Variants in RHOT1 observed in about 807,000 individuals in gnomAD.
The protein encoded by RHOT1 is ras homolog family member T1, also known as mitochondrial Rho GTPase 1.
RHOT1 carries 27 observed loss-of-function variants against 95.3 expected under a neutral mutation model. The ratio of observed to expected loss-of-function variants is 0.28; its 90% CI spans 0.21 to 0.39. The LOEUF (loss-of-function observed/expected upper bound fraction) is 0.39. Ranked by LOEUF, RHOT1 falls within the 10% of genes least tolerant of loss-of-function variation. The probability of loss-of-function intolerance (pLI) is 1.00; values close to 1 mark genes in which losing one functional copy is unlikely to be tolerated. For synonymous variants in RHOT1, 227 were observed against 263.5 expected, an observed-to-expected ratio of 0.86 and a Z score of 1.34; for missense variants, 578 against 786.7, an observed-to-expected ratio of 0.73 and a Z score of 3.17.
chr17:32,166,852 G>A (rs2034130267), intron 1 of RHOT1, among the ~76,000 whole-genome samples: 1 of 152,132 alleles, frequency 6.6e-6, no homozygotes. Context: ...GTGAGGGTTG[G>A]AACCAACTTC....
chr17:32,183,311 A>G (rs909611816), intron 8 of RHOT1, 39 bp downstream of exon 8: 3 of 1,142,832 alleles, frequency 2.6e-6, no homozygotes, highest in Non-Finnish European at 3.6e-6. Flanking sequence ...ATGTGTATGT[A>G]GTAACTCTAG....
At position 32,195,124 on chromosome 17, in the gene RHOT1, CT is replaced by C. The variant is rs770806549; in HGVS notation, c.869+1029del. Among the ~76,000 whole-genome samples the C allele has an allele frequency of 1.1e-3, 158 of 144,456 alleles. 1 individual carries two copies. Among genetic ancestry groups the C allele is most frequent in the Middle Eastern group, 3.7e-3 (1 of 270 alleles). 94.8% of individuals were successfully genotyped at this position (144,456 alleles called of 152,430 possible). A position where few individuals can be genotyped will look rare whatever the true frequency, so the allele number is the denominator to read the frequency against. ...ACAGGCGTGAGCCACTGCACCCGGC[CT>C]TTTTTTTTTTTCCCTAAGAGACAAG... On this transcript the variant is annotated intron_variant, in intron 11 of 19. Transcript: ENST00000545287.
At chr17:32,149,708 CACAT>C (rs1391897271) in intron 1 of RHOT1, among the ~76,000 whole-genome samples, 6 of 145,142 alleles carry the variant, frequency 4.1e-5, no homozygotes, top group Non-Finnish European at 7.5e-5. Flanking sequence ...TATATATACA[CACAT>C]ACACATATAT....
At chr17:32,223,228 T>C (rs1427730646) in intron 19 of RHOT1, among the ~76,000 whole-genome samples, 1 of 152,116 alleles carries the variant, frequency 6.6e-6, no homozygotes, top group African/African-American at 2.4e-5. Context: ...TCTGTTCTCT[T>C]TGACTATTAC....
At chr17:32,151,579 C>G in intron 1 of RHOT1, 1 of 341,744 alleles carries the variant, frequency 2.9e-6, no homozygotes. Flanking sequence ...TCTCAATGAA[C>G]TTTTTAAAAA....
intron 1 of RHOT1, among the ~76,000 whole-genome samples, chr17:32,148,934 A>T (rs1049415505): frequency 2.6e-5 from 4 of 152,222 alleles, no homozygotes; most frequent in Non-Finnish European, 5.9e-5. Context: ...AATCTGGATA[A>T]TTTGTTCTAT....
chr17:32,215,939 CAT>C (rs150111195), intron 19 of RHOT1, among the ~76,000 whole-genome samples: 3,570 of 152,208 alleles, frequency 0.023, 85 homozygotes, highest in Admixed American at 0.078. Context: ...GGATGAGTAA[CAT>C]GTGGTCAGAT....
chr17:32,193,179 A>C lies in RHOT1; in HGVS notation c.683A>C (p.Asp228Ala), dbSNP rs769092204. The C allele has an allele frequency of 6.2e-7, 1 of 1,613,696 alleles. No homozygotes were observed. Among genetic ancestry groups the C allele is most frequent in the East Asian group, 2.2e-5 (1 of 44,834 alleles). The change falls in exon 10 of 20, where the codon GAT becomes GCT. Residue 228 changes from aspartate to alanine, a missense_variant. By Grantham distance (126) the Asp-to-Ala change is moderately radical. Around this residue, in one of 4 missense-constraint regions of RHOT1, gnomAD observed 227 missense variants for 316.0 expected, o/e 0.72. Coordinates refer to ENST00000545287, the MANE Select transcript of RHOT1 (RefSeq NM_001033566.3). ...NTPLAPQALE[D>A]VKNVVRKHIS... Reference sequence around the variant, plus strand: ...CCATTAGCTCCTCAAGCTCTGGAGGATGTCAAGAATGTAGTCAGAAAACAT... The same window carrying C: ...CCATTAGCTCCTCAAGCTCTGGAGGCTGTCAAGAATGTAGTCAGAAAACAT...
Position 32,142,652 on chromosome 17 carries a change from C to T in RHOT1, c.-41C>T. On this transcript the variant is annotated 5_prime_UTR_variant, in exon 1 of 20. Coordinates refer to ENST00000545287, the MANE Select transcript of RHOT1 (RefSeq NM_001033566.3). ...GTGCTCCTGGTGAGAGGAGTCCACTCCGTGCGTGCGGGCGGAGGCCGGCCC... is the reference window on the plus strand; with the variant it reads ...GTGCTCCTGGTGAGAGGAGTCCACTTCGTGCGTGCGGGCGGAGGCCGGCCC... 1 of 1,513,594 alleles carries T rather than the reference C, an allele frequency of 6.6e-7. No individual in the cohort carries two copies. The highest frequency in any genetic ancestry group is 8.8e-7 in the Non-Finnish European group (1 of 1,132,656). The allele number at this position is 1,513,594 out of a possible 1,614,324, so 93.8% of individuals were successfully genotyped here.
chr17:32,207,961 A>G (rs1263033537), intron 17 of RHOT1, 146 bp from the exon 18 acceptor site: 1 of 649,850 alleles, frequency 1.5e-6, no homozygotes, highest in Non-Finnish European at 2.7e-6. Context: ...TACCTAGACC[A>G]CTGCCAATCT....
At chr17:32,188,131 A>G (rs1365045733) in intron 8 of RHOT1, among the ~76,000 whole-genome samples, 1 of 152,252 alleles carries the variant, frequency 6.6e-6, no homozygotes, top group Non-Finnish European at 1.5e-5. Context: ...CAGCATTTCA[A>G]GTACTATGTA....
chr17:32,160,192 A>C (rs1219205074), intron 1 of RHOT1: 1 of 151,990 alleles, frequency 6.6e-6, no homozygotes, highest in East Asian at 1.9e-4. Flanking sequence ...GCAGAGAGGA[A>C]CTACCCTCTC....
chr17:32,220,091 A>G (rs1410953571), intron 19 of RHOT1, among the ~76,000 whole-genome samples: 2 of 152,236 alleles, frequency 1.3e-5, no homozygotes, highest in Non-Finnish European at 2.9e-5. Flanking sequence ...ATAAATGGAG[A>G]TAGCCAGGTT....
chr17:32,193,217 G>T lies in RHOT1; in HGVS notation c.721G>T (p.Val241Leu), dbSNP rs374141835. 4 of 1,612,368 alleles carry T rather than the reference G, an allele frequency of 2.5e-6. No individual in the cohort carries two copies. The highest frequency in any genetic ancestry group is 1.3e-5 in the African/African-American group (1 of 74,880). ...AGTCAGAAAACATATAAGTGATGGT[G>T]TGGCTGACAGTGGGTTGACCCTGAA... ...NVVRKHISDGVADSGLTLKGF... is the reference protein window; with the variant it reads ...NVVRKHISDGLADSGLTLKGF... The change falls in exon 10 of 20, where the codon GTG becomes TTG. Residue 241 changes from valine (V) to leucine (L), a missense_variant. Physicochemically the swap from Val to Leu is conservative, Grantham distance 32. Around this residue, in one of 4 missense-constraint regions of RHOT1, gnomAD observed 227 missense variants for 316.0 expected, o/e 0.72. Coordinates refer to ENST00000545287, the MANE Select transcript of RHOT1 (RefSeq NM_001033566.3).
chr17:32,184,502 A>G (rs1477333284), intron 8 of RHOT1, among the ~76,000 whole-genome samples: 3 of 139,804 alleles, frequency 2.1e-5, no homozygotes, highest in East Asian at 2.0e-4. Context: ...ATTTTTTTTT[A>G]TTTTTTGAGG....
intron 11 of RHOT1, among the ~76,000 whole-genome samples, chr17:32,195,019 G>A (rs2036770622): frequency 6.6e-6 from 1 of 151,304 alleles, no homozygotes; most frequent in African/African-American, 2.4e-5. Flanking sequence ...TAGAGAAGGG[G>A]TTTCACCGTG....
chr17:32,200,887 A>G (rs2037264787), intron 13 of RHOT1, 69 bp from the exon 14 acceptor site: 2 of 1,149,796 alleles, frequency 1.7e-6, no homozygotes, highest in South Asian at 1.3e-5. Context: ...TTTTTTAGCT[A>G]TTGGCTTTTT....
chr17:32,172,606 C>T (rs1046362624), intron 2 of RHOT1, among the ~76,000 whole-genome samples: 2 of 152,020 alleles, frequency 1.3e-5, no homozygotes, highest in African/African-American at 4.8e-5. Flanking sequence ...GCTGAGGTGG[C>T]CGGATCACTT....
At chr17:32,214,671 C>G (rs1278541237) in intron 19 of RHOT1, among the ~76,000 whole-genome samples, 2 of 152,150 alleles carry the variant, frequency 1.3e-5, no homozygotes, top group African/African-American at 4.8e-5. Context: ...GCAGCTGTTA[C>G]TGGTTGGTCA....
Sources: gnomAD v4.1 joint callset for allele counts (sites outside exome capture counted in the v4.1 genomes callset) on GRCh38, gnomAD v4.1.1 for gene constraint, gnomAD v4.1.1 regional missense constraint, MANE v1.5 for transcripts, NCBI Gene and HGNC (gene_info 2026-07-23, HGNC 2026-07-21) for gene names.